Variants in TUT4 observed in about 807,000 individuals in gnomAD.
TUT4 encodes the protein terminal uridylyltransferase 4.
A neutral mutation model predicts 192.2 loss-of-function variants in TUT4; 36 were observed. The ratio of observed to expected loss-of-function variants is 0.19; its 90% confidence interval spans 0.14 to 0.25. The LOEUF is 0.25. Ranked by LOEUF, TUT4 falls within the 10% of genes least tolerant of loss-of-function variation. TUT4 has a pLI of 1.00. For synonymous variants in TUT4, 618 were observed against 666.0 expected, an observed-to-expected ratio of 0.93 and a Z score of 1.11; for missense variants, 1,493 against 1,957.2, an observed-to-expected ratio of 0.76 and a Z score of 4.47.
intron 4 of TUT4, among the ~76,000 whole-genome samples, chr1:52,500,241 G>T (rs1673720408): frequency 6.6e-6 from 1 of 152,032 alleles, no homozygotes; most frequent in Non-Finnish European, 1.5e-5. Context: ...AATGTTGCTG[G>T]GAAAACTGAA....
Position 52,549,202 on chromosome 1 carries a change from C to CT in TUT4, c.-94+3728dup, listed in dbSNP as rs561779402. On this transcript the variant is annotated intron_variant, in intron 1 of 29. Transcript: ENST00000257177. ...AAACTAGGAGTCAGAAAACATAGTT[C>CT]TAATCACAGCTCAACCACTATCTCA... Among the ~76,000 whole-genome samples, 528 of 152,304 alleles carry CT rather than the reference C, an allele frequency of 3.5e-3. 3 individuals carry two copies. Among genetic ancestry groups the CT allele is most frequent in the African/African-American group, 0.011 (472 of 41,566 alleles).
In TUT4 at chr1:52,445,034, T is replaced by C. The variant is rs1001526967; in HGVS notation, c.3822+753A>G. 1.1e-4 allele frequency among the ~76,000 whole-genome samples: 17 copies of C among 150,666 alleles called. No individual in the cohort carries two copies. In the South Asian group the frequency reaches 1.5e-3, roughly 13 times the overall value. On this transcript the variant is annotated intron_variant, in intron 24 of 29. Coordinates refer to ENST00000257177, the MANE Select transcript of TUT4 (RefSeq NM_001009881.3). ...GTATATATATGTATATATGTGTATA[T>C]ATATATGTGTGTGTGTGTCTGTGTA...
chr1:52,458,932 T>C (rs148602851), intron 19 of TUT4, among the ~76,000 whole-genome samples: 2 of 152,098 alleles, frequency 1.3e-5, no homozygotes, highest in Admixed American at 1.3e-4. Context: ...AAATCAGAAA[T>C]AGTTTTAGGT....
intron 16 of TUT4, chr1:52,462,679 T>C (rs1273012625): frequency 1.0e-6 from 1 of 972,902 alleles, no homozygotes. Context: ...TTTAAATCTG[T>C]GAGTTATTTA....
chr1:52,541,255 G>C (rs1040010896), intron 1 of TUT4, among the ~76,000 whole-genome samples: 15 of 147,366 alleles, frequency 1.0e-4, no homozygotes, highest in Non-Finnish European at 1.6e-4. Flanking sequence ...ACATCAGGCT[G>C]GGCACGGGGG....
Position 52,526,212 on chromosome 1 carries a change from G to T in TUT4, c.69C>A (p.Ser23Arg). 6.2e-7 allele frequency: 1 copy of T among 1,600,324 alleles called. No homozygotes were observed. Among genetic ancestry groups the T allele is most frequent in the Non-Finnish European group, 8.5e-7 (1 of 1,177,152 alleles). ...GATTACCTATAACTTGAACTGCTTT[G>T]CTTTCTTCACAAATAACATTCTTCT... is the stretch of plus-strand genomic sequence containing the variant. ...EPKKNVICEE[S>R]KAVQVIGNQT... Residue 23 changes from serine (S) to arginine (R), a missense_variant, in exon 2 of 30, where the codon AGC becomes AGA. Transcript: ENST00000257177.
At chr1:52,533,175 C>A (rs1266194790) in intron 1 of TUT4, among the ~76,000 whole-genome samples, 1 of 152,136 alleles carries the variant, frequency 6.6e-6, no homozygotes, top group Admixed American at 6.6e-5. Context: ...CCCTGAATGA[C>A]CACATGGAAC....
At chr1:52,524,004 ATTAT>A (rs1387555087) in intron 2 of TUT4, among the ~76,000 whole-genome samples, 3 of 152,236 alleles carry the variant, frequency 2.0e-5, no homozygotes, top group Non-Finnish European at 2.9e-5. Context: ...TATAAAAGAA[ATTAT>A]TTAATTTAAA....
intron 3 of TUT4, among the ~76,000 whole-genome samples, chr1:52,511,418 G>C (rs1245357568): frequency 6.6e-6 from 1 of 152,064 alleles, no homozygotes; most frequent in Non-Finnish European, 1.5e-5. Flanking sequence ...ATTTTTCTAG[G>C]AGCTGGGGAT....
At chr1:52,446,546 A>AT (rs781334399) in intron 21 of TUT4, 44 bp downstream of exon 21, 72 of 1,564,824 alleles carry the variant, frequency 4.6e-5, no homozygotes, top group Non-Finnish European at 6.2e-5. Flanking sequence ...ATGCTAACAT[A>AT]TATCAGTGAG....
chr1:52,465,547 C>T (rs988279392), intron 15 of TUT4, among the ~76,000 whole-genome samples: 2 of 152,228 alleles, frequency 1.3e-5, no homozygotes, highest in African/African-American at 4.8e-5. Context: ...TCTCAATGTC[C>T]ACATCCAAAC....
chr1:52,465,563 T>C (rs184611849), intron 15 of TUT4, among the ~76,000 whole-genome samples: 7 of 152,366 alleles, frequency 4.6e-5, no homozygotes, highest in Admixed American at 2.6e-4. Context: ...CAAACAATCA[T>C]TGAGACTTTT....
At chr1:52,523,397 A>T (rs1023783484) in intron 2 of TUT4, among the ~76,000 whole-genome samples, 1 of 152,140 alleles carries the variant, frequency 6.6e-6, no homozygotes, top group African/African-American at 2.4e-5. Context: ...CTTGAGGCCA[A>T]GAGTTCAAGA....
chr1:52,488,188 T>G (rs571722697), intron 9 of TUT4, among the ~76,000 whole-genome samples: 1 of 152,230 alleles, frequency 6.6e-6, no homozygotes, highest in Non-Finnish European at 1.5e-5. Context: ...ATTTTTGCTA[T>G]GAAGTTACCA....
chr1:52,531,595 A>AT (rs979956061), intron 1 of TUT4, among the ~76,000 whole-genome samples: 32 of 152,254 alleles, frequency 2.1e-4, no homozygotes, highest in African/African-American at 7.0e-4. Flanking sequence ...GGTTAAATGG[A>AT]TTTTTTTAAA....
chr1:52,495,618 C>A, intron 5 of TUT4, 103 bp from the exon 6 acceptor site: 1 of 681,476 alleles, frequency 1.5e-6, no homozygotes. Flanking sequence ...TCTACGTCTT[C>A]CATTTCTAGT....
intron 1 of TUT4, among the ~76,000 whole-genome samples, chr1:52,541,106 T>C (rs1441049738): frequency 2.0e-5 from 3 of 150,952 alleles, no homozygotes; most frequent in Non-Finnish European, 4.4e-5. Flanking sequence ...CTAGGGTGAC[T>C]GAGGCACAAG....
intron 1 of TUT4, among the ~76,000 whole-genome samples, chr1:52,539,940 C>T (rs376281186): frequency 1.3e-5 from 2 of 148,176 alleles, no homozygotes; most frequent in South Asian, 2.1e-4. Flanking sequence ...AGGCCAGGCG[C>T]GGGACTACAG....
intron 7 of TUT4, among the ~76,000 whole-genome samples, chr1:52,493,209 G>A (rs539713980): frequency 1.3e-5 from 2 of 152,068 alleles, no homozygotes; most frequent in South Asian, 2.1e-4. Flanking sequence ...TCAGTCTCCC[G>A]AGTAGCTGGG....
Sources: allele counts gnomAD v4.1 joint callset (sites outside exome capture counted in the v4.1 genomes callset), GRCh38; gene constraint gnomAD v4.1.1; transcripts MANE v1.5; gene names NCBI Gene and HGNC (gene_info 2026-07-23, HGNC 2026-07-21).